The following CRHR2 variants were observed in gnomAD, a reference collection of about 807,000 sequenced individuals.
The protein encoded by CRHR2 is corticotropin releasing hormone receptor 2.
Under a neutral mutation model 57.9 loss-of-function variants are expected in CRHR2, and 53 were observed. The ratio of observed to expected loss-of-function variants is 0.92; its 90% confidence interval spans 0.73 to 1.15. CRHR2 has a LOEUF of 1.15. CRHR2 is among the 50% of genes most tolerant of loss of function. The probability of loss-of-function intolerance (pLI) is 0.00; values close to 1 mark genes in which losing one functional copy is unlikely to be tolerated. For missense variants in CRHR2, 532 were observed against 542.6 expected, an observed-to-expected ratio of 0.98 and a Z score of 0.19; for synonymous variants, 213 against 220.9, an observed-to-expected ratio of 0.96 and a Z score of 0.32.
chr7:30,690,056 A>C (rs17159371), intron 1 of CRHR2, among the ~76,000 whole-genome samples: 12,380 of 152,278 alleles, frequency 0.081, 568 homozygotes, highest in Admixed American at 0.12. Flanking sequence ...TCTCCTAAAA[A>C]ATCATCAGAG....
chr7:30,656,833 G>A lies in CRHR2; in HGVS notation c.832-821C>T, dbSNP rs954632510. Reference sequence around the variant, plus strand: ...CCCCTGGGAGCTGCAGTGTGGGTCTGTGGGTCTATCCTTTAAGCACTTGTG... The same window carrying A: ...CCCCTGGGAGCTGCAGTGTGGGTCTATGGGTCTATCCTTTAAGCACTTGTG... On this transcript the variant is annotated intron_variant, in intron 8 of 11. Transcript: ENST00000471646. The surrounding 1 kb of genome is among the most constrained non-coding windows in gnomAD (Gnocchi z 4.4). 6.6e-6 allele frequency among the ~76,000 whole-genome samples: 1 copy of A among 152,258 alleles called. No individual in the cohort carries two copies. The highest frequency in any genetic ancestry group is 2.4e-5 in the African/African-American group (1 of 41,540).
At position 30,662,833 on chromosome 7, in the gene CRHR2, G is replaced by A. The variant is rs1784062702; in HGVS notation, c.558C>T (p.Cys186=). The A allele has an allele frequency of 1.2e-6, 2 of 1,614,180 alleles. No homozygotes were observed. Among genetic ancestry groups the A allele is most frequent in the African/African-American group, 1.3e-5 (1 of 75,068 alleles). ...CGAAGTAGTTGAAGATGGTGGTGATGCAGCGGCACCAGACCTGTGTGCAGG... is the reference window on the plus strand; with the variant it reads ...CGAAGTAGTTGAAGATGGTGGTGATACAGCGGCACCAGACCTGTGTGCAGG... ...VHESNEVWCR[C]ITTIFNYFVV... is the part of the protein sequence containing the mutation. The change falls in exon 6 of 12, where the codon TGC becomes TGT. Residue 186 remains cysteine, a synonymous_variant. Coordinates refer to ENST00000471646, the MANE Select transcript of CRHR2 (RefSeq NM_001883.5).
chr7:30,691,000 A>G (rs1333481854), intron 1 of CRHR2, among the ~76,000 whole-genome samples: 1 of 152,004 alleles, frequency 6.6e-6, no homozygotes, highest in Non-Finnish European at 1.5e-5. Context: ...CTGTCCACAT[A>G]TCAAGGGAGC....
At chr7:30,675,195 T>A (rs1479951762) in intron 2 of CRHR2, among the ~76,000 whole-genome samples, 2 of 152,088 alleles carry the variant, frequency 1.3e-5, no homozygotes, top group Non-Finnish European at 2.9e-5. Context: ...GGGTGGGCAG[T>A]CAGAGGGGCC....
chr7:30,685,796 C>G (rs1784844106), upstream of CRHR2, among the ~76,000 whole-genome samples: 1 of 152,196 alleles, frequency 6.6e-6, no homozygotes, highest in Non-Finnish European at 1.5e-5. Context: ...TCTGCAGCAG[C>G]CCAAATGGGC....
At chr7:30,686,651 T>C (rs893988767), upstream of CRHR2, 6 of 801,116 alleles carry the variant, frequency 7.5e-6, no homozygotes, top group Admixed American at 1.3e-4. Flanking sequence ...AAATAGTCCA[T>C]TTGGATTTTT....
chr7:30,671,635 CAAA>C (rs11305836), intron 2 of CRHR2, among the ~76,000 whole-genome samples: 13,994 of 105,026 alleles, frequency 0.13, 1,244 homozygotes, highest in African/African-American at 0.28. Flanking sequence ...CCCCATCTCT[CAAA>C]AAAAAAAAAA....
chr7:30,678,665 C>T (rs560909114), intron 2 of CRHR2, among the ~76,000 whole-genome samples: 245 of 150,162 alleles, frequency 1.6e-3, no homozygotes, highest in Non-Finnish European at 2.9e-3. Context: ...TTTTCCCCCA[C>T]CCAACCAGCT....
intron 10 of CRHR2, 46 bp downstream of exon 10, chr7:30,655,534 C>T: frequency 6.3e-7 from 1 of 1,582,524 alleles, no homozygotes; most frequent in Non-Finnish European, 8.6e-7. Flanking sequence ...CCAGAGCAGC[C>T]TCAGGAAAGC....
At chr7:30,688,720 TC>T in intron 2 of CRHR2, 3 of 445,358 alleles carry the variant, frequency 6.7e-6, no homozygotes, top group South Asian at 4.9e-5. Flanking sequence ...TCTGTGCAGC[TC>T]TGCAGTGGCT....
At chr7:30,692,852 C>T (rs2128151408) in intron 1 of CRHR2, among the ~76,000 whole-genome samples, 1 of 152,320 alleles carries the variant, frequency 6.6e-6, no homozygotes, top group Middle Eastern at 3.4e-3. Context: ...CACCAAAGGT[C>T]CCACTTCAGG....
At chr7:30,670,902 T>G (rs949739843) in intron 2 of CRHR2, among the ~76,000 whole-genome samples, 1 of 152,200 alleles carries the variant, frequency 6.6e-6, no homozygotes, top group Non-Finnish European at 1.5e-5. Context: ...GGTCTTCTCT[T>G]GCAGGACTCT....
At chr7:30,657,765 C>T (rs769762537) in intron 8 of CRHR2, among the ~76,000 whole-genome samples, 7 of 152,218 alleles carry the variant, frequency 4.6e-5, no homozygotes, top group East Asian at 3.9e-4. Context: ...TTTATCCATC[C>T]GTCCATCCAT....
chr7:30,665,445 A>G lies in CRHR2; in HGVS notation c.425+85T>C. 5.0e-6 allele frequency: 6 copies of G among 1,208,824 alleles called. No homozygotes were observed. The highest frequency in any genetic ancestry group is 7.1e-6 in the Non-Finnish European group (6 of 845,738). 74.9% of individuals were successfully genotyped at this position (1,208,824 alleles called of 1,614,324 possible). A position where few individuals can be genotyped will look rare whatever the true frequency, so the allele number is the denominator to read the frequency against. The stretch of plus-strand genomic sequence containing the variant: ...GCCCTTTTATCTGCTGGGCCCCAGA[A>G]TGGAGGTGAGAATGTCTGGGAGAGG... On this transcript the variant is annotated intron_variant, in intron 4 of 11. Coordinates refer to ENST00000471646, the MANE Select transcript of CRHR2 (RefSeq NM_001883.5). This position sits in a 1 kb window ranked among gnomAD's most constrained non-coding sequence, Gnocchi z 4.5.
At chr7:30,691,844 GTGGTGGTGGTGA>G (rs1251168351) in intron 1 of CRHR2, among the ~76,000 whole-genome samples, 1 of 152,200 alleles carries the variant, frequency 6.6e-6, no homozygotes, top group Non-Finnish European at 1.5e-5. Context: ...AGAGCCCCTA[GTGGTGGTGGTGA>G]TGGGTGGGCA....
chr7:30,662,096 C>G (rs943202281), intron 7 of CRHR2, 60 bp downstream of exon 7: 184 of 1,583,218 alleles, frequency 1.2e-4, no homozygotes, highest in Middle Eastern at 4.1e-4. Context: ...CCAAGGCTGA[C>G]CTGTCCTAAC....
At chr7:30,676,614 C>A (rs1784524539) in intron 2 of CRHR2, among the ~76,000 whole-genome samples, 2 of 152,230 alleles carry the variant, frequency 1.3e-5, no homozygotes, top group Admixed American at 1.3e-4. Context: ...AGCCCCTCTT[C>A]CCGATCTCTG....
At chr7:30,693,428 G>A (rs1584144230) in intron 1 of CRHR2, among the ~76,000 whole-genome samples, 2 of 152,218 alleles carry the variant, frequency 1.3e-5, no homozygotes, top group East Asian at 1.9e-4. Flanking sequence ...TCTGGTTGGT[G>A]ACCACCTGGT....
rs568217516 is a variant in CRHR2, at chr7:30,682,275, G to C, written c.6C>G (p.Asp2Glu). Residue 2 changes from aspartate (D) to glutamate (E), a missense_variant, in exon 1 of 12, where the codon GAC becomes GAG. Physicochemically the swap from Asp to Glu is conservative, Grantham distance 45. Coordinates refer to ENST00000471646, the MANE Select transcript of CRHR2 (RefSeq NM_001883.5). Reference sequence around the variant, plus strand: ...CCAGCAGGCTGTGGAGCAGTGCCGCGTCCATCGCGTCCCGCAGCCGCGTGC... The same window carrying C: ...CCAGCAGGCTGTGGAGCAGTGCCGCCTCCATCGCGTCCCGCAGCCGCGTGC... The part of the protein sequence containing the change: M[D>E]AALLHSLLEA... The C allele has an allele frequency of 1.9e-6, 3 of 1,568,384 alleles. No homozygotes were observed. Among genetic ancestry groups the C allele is most frequent in the Non-Finnish European group, 2.6e-6 (3 of 1,165,310 alleles).
Sources: allele counts gnomAD v4.1 joint callset (sites outside exome capture counted in the v4.1 genomes callset), GRCh38; gene constraint gnomAD v4.1.1; non-coding constraint Gnocchi (gnomAD v3.1); transcripts MANE v1.5; gene names NCBI Gene and HGNC (gene_info 2026-07-23, HGNC 2026-07-21).